OMA1: variants seen among roughly 807,000 people sequenced by gnomAD.
OMA1 encodes the protein metalloendopeptidase OMA1, mitochondrial.
In OMA1, 38 loss-of-function variants were observed where a neutral mutation model predicts 30.9. That is an observed-to-expected ratio of 1.23 (90% CI 0.95 to 1.61). The LOEUF is 1.61. OMA1 is among the 40% of genes most tolerant of loss of function. OMA1 has a pLI of 0.00. For missense variants in OMA1, 461 were observed against 349.2 expected, an observed-to-expected ratio of 1.32 and a Z score of -2.55; for synonymous variants, 173 against 121.9, an observed-to-expected ratio of 1.42 and a Z score of -2.76.
chr1:58,538,252 A>G (rs954071101), intron 2 of OMA1, among the ~76,000 whole-genome samples: 1 of 152,200 alleles, frequency 6.6e-6, no homozygotes, highest in African/African-American at 2.4e-5. Context: ...ATTATAAAGG[A>G]TCACCAAGGA....
intron 7 of OMA1, among the ~76,000 whole-genome samples, chr1:58,507,063 G>A (rs1262594779): frequency 2.6e-5 from 4 of 151,970 alleles, no homozygotes; most frequent in Non-Finnish European, 5.9e-5. Flanking sequence ...GTATCTGATA[G>A]TGGAGAGGGA....
chr1:58,505,822 G>T (rs912030331), intron 8 of OMA1, among the ~76,000 whole-genome samples: 2 of 151,986 alleles, frequency 1.3e-5, no homozygotes, highest in African/African-American at 4.8e-5. Flanking sequence ...CATACTAAAG[G>T]AGTTAAACCT....
intron 7 of OMA1, among the ~76,000 whole-genome samples, chr1:58,510,509 C>T (rs565773839): frequency 2.0e-5 from 3 of 152,188 alleles, no homozygotes; most frequent in African/African-American, 7.2e-5. Flanking sequence ...AAGCCCACAA[C>T]TAGCATCACA....
At chr1:58,518,938 A>G (rs566062995) in intron 7 of OMA1, among the ~76,000 whole-genome samples, 2 of 152,282 alleles carry the variant, frequency 1.3e-5, no homozygotes, top group Admixed American at 1.3e-4. Context: ...CAAAAAGGAT[A>G]AATAACTTGA....
At chr1:58,544,735 A>C (rs1646674099) in intron 1 of OMA1, among the ~76,000 whole-genome samples, 1 of 152,142 alleles carries the variant, frequency 6.6e-6, no homozygotes, top group East Asian at 1.9e-4. Flanking sequence ...CTGGGATTAC[A>C]AGCATGCATT....
chr1:58,491,721 T>A (rs1019306420), intron 8 of OMA1, among the ~76,000 whole-genome samples: 66 of 152,186 alleles, frequency 4.3e-4, no homozygotes, highest in Non-Finnish European at 8.2e-4. Context: ...CTAACTATCC[T>A]AAATATATAT....
In OMA1 at chr1:58,508,795, T is replaced by A. The variant is rs1646028686; in HGVS notation, c.1216-2586A>T. Among the ~76,000 whole-genome samples the A allele has an allele frequency of 2.0e-5, 3 of 152,226 alleles. No homozygotes were observed. In the South Asian group the frequency reaches 6.2e-4, roughly 32 times the overall value. The stretch of plus-strand genomic sequence containing the variant: ...CATGACCACTCCCTGAAGCTCAGCA[T>A]GAAATGAGTTGGAGAGAAACTCCAG... On this transcript the variant is annotated intron_variant, in intron 7 of 8. Transcript: ENST00000371226.
chr1:58,531,606 C>A (rs975730216), intron 5 of OMA1, among the ~76,000 whole-genome samples: 3 of 152,112 alleles, frequency 2.0e-5, no homozygotes, highest in Non-Finnish European at 2.9e-5. Context: ...AGAATATTGT[C>A]CCTTAACAAA....
intron 3 of OMA1, among the ~76,000 whole-genome samples, chr1:58,536,227 G>A (rs1324082906): frequency 6.6e-6 from 1 of 152,050 alleles, no homozygotes; most frequent in Non-Finnish European, 1.5e-5. Context: ...GCCTGATCCA[G>A]TCACCCTGCC....
At chr1:58,512,554 A>T (rs1206568774) in intron 7 of OMA1, among the ~76,000 whole-genome samples, 1 of 152,216 alleles carries the variant, frequency 6.6e-6, no homozygotes, top group African/African-American at 2.4e-5. Context: ...ATACATCAAA[A>T]TATTATTTGG....
chr1:58,488,936 A>T (rs1030337717), intron 8 of OMA1, among the ~76,000 whole-genome samples: 17 of 152,242 alleles, frequency 1.1e-4, no homozygotes, highest in African/African-American at 3.9e-4. Context: ...TTCATGAAAG[A>T]TGTGTACTTG....
intron 8 of OMA1, among the ~76,000 whole-genome samples, chr1:58,493,331 G>A (rs556160259): frequency 1.3e-5 from 2 of 152,256 alleles, no homozygotes; most frequent in South Asian, 2.1e-4. Context: ...GCAAAAATTG[G>A]AAGCATTCCC....
chr1:58,501,174 T>G (rs143066802), intron 8 of OMA1, among the ~76,000 whole-genome samples: 216 of 152,332 alleles, frequency 1.4e-3, no homozygotes, highest in African/African-American at 5.0e-3. Context: ...CCTTTTTAAA[T>G]GCTAATGGAT....
At chr1:58,543,056 G>C (rs1032930543) in intron 1 of OMA1, among the ~76,000 whole-genome samples, 3 of 151,884 alleles carry the variant, frequency 2.0e-5, no homozygotes, top group Non-Finnish European at 4.4e-5. Context: ...AGATAAGTGA[G>C]AGACCACAAA....
Position 58,541,293 on chromosome 1 carries a change from CAAAAAAAAAAAAAAAAAAAAAAAAAAA to C in OMA1, c.-16-2010_-16-1984del, listed in dbSNP as rs71043292. On this transcript the variant is annotated intron_variant, in intron 1 of 8. Coordinates refer to ENST00000371226, the MANE Select transcript of OMA1 (RefSeq NM_145243.5). ...TGGGCAACAGAGTGAGACTCTGTCT[CAAAAAAAAAAAAAAAAAAAAAAAAAAA>C]AAAAAAAAAAAAACAGGAAAAACAC... 4.7e-4 allele frequency among the ~76,000 whole-genome samples: 13 copies of C among 27,572 alleles called. 1 individual carries two copies. The highest frequency in any genetic ancestry group is 3.8e-3 in the East Asian group (1 of 262). 18.1% of individuals were successfully genotyped at this position (27,572 alleles called of 152,430 possible).
chr1:58,509,520 T>C (rs1468485985), intron 7 of OMA1, among the ~76,000 whole-genome samples: 1 of 140,012 alleles, frequency 7.1e-6, no homozygotes, highest in Non-Finnish European at 1.5e-5. Flanking sequence ...TGGTTTATAA[T>C]GATAAACACC....
At chr1:58,483,797 C>A (rs1645529359) in intron 8 of OMA1, among the ~76,000 whole-genome samples, 1 of 152,208 alleles carries the variant, frequency 6.6e-6, no homozygotes, top group African/African-American at 2.4e-5. Flanking sequence ...ACTGTCTCTG[C>A]AAAATTGGGA....
intron 1 of OMA1, among the ~76,000 whole-genome samples, chr1:58,539,568 G>A (rs1646572069): frequency 6.6e-6 from 1 of 152,104 alleles, no homozygotes; most frequent in Non-Finnish European, 1.5e-5. Context: ...TTTAGTTAGG[G>A]AAGAGCCATT....
intron 7 of OMA1, among the ~76,000 whole-genome samples, chr1:58,518,625 T>A (rs577900568): frequency 0.31 from 47,235 of 151,648 alleles, 7,804 homozygotes; most frequent in African/African-American, 0.42. Context: ...AGAACGAATA[T>A]CTTTATCTAT....
Sources: gnomAD v4.1 joint callset for allele counts (sites outside exome capture counted in the v4.1 genomes callset) on GRCh38, gnomAD v4.1.1 for gene constraint, MANE v1.5 for transcripts, NCBI Gene and HGNC (gene_info 2026-07-23, HGNC 2026-07-21) for gene names.